The following GABPB1 variants were observed in gnomAD, a reference collection of about 807,000 sequenced individuals.
GABPB1 encodes GA binding protein transcription factor subunit beta 1.
A neutral mutation model predicts 45.9 loss-of-function variants in GABPB1; 15 were observed. That is an observed-to-expected ratio of 0.33 (90% confidence interval 0.22 to 0.50). The LOEUF (loss-of-function observed/expected upper bound fraction) is 0.50, where lower values mean the gene tolerates loss of function less well. Ranked by LOEUF, GABPB1 falls within the 20% of genes least tolerant of loss-of-function variation. GABPB1 has a pLI of 0.98. For missense variants in GABPB1, 252 were observed against 457.5 expected (o/e 0.55, Z 4.10); for synonymous variants, 143 against 154.4 (o/e 0.93, Z 0.55).
intron 1 of GABPB1, among the ~76,000 whole-genome samples, chr15:50,345,806 G>A (rs2048552695): frequency 6.6e-6 from 1 of 151,896 alleles, no homozygotes; most frequent in Admixed American, 6.6e-5. Flanking sequence ...CCGCCTCCCG[G>A]GTACACGCCA....
intron 6 of GABPB1, among the ~76,000 whole-genome samples, chr15:50,295,186 T>C (rs1451826196): frequency 6.6e-6 from 1 of 152,228 alleles, no homozygotes; most frequent in Non-Finnish European, 1.5e-5. Flanking sequence ...CATGCTATCA[T>C]TATGATAACT....
At position 50,339,447 on chromosome 15, in the gene GABPB1, C is replaced by T. The variant is rs1472309677; in HGVS notation, c.-1+15538G>A. ...CTGGGAAGCAGAGGTTGCAGTGAGT[C>T]AAGACTGTGCCACTGCACTCCAGCC... is the stretch of plus-strand genomic sequence containing the variant. On this transcript the variant is annotated intron_variant, in intron 1 of 8. Transcript: ENST00000380877. Among the ~76,000 whole-genome samples, 5 of 149,698 alleles carry T rather than the reference C, an allele frequency of 3.3e-5. No individual in the cohort carries two copies. The South Asian group carries it at 1.1e-3, about 33-fold the overall frequency.
intron 2 of GABPB1, among the ~76,000 whole-genome samples, chr15:50,305,050 T>C (rs377005736): frequency 6.6e-5 from 10 of 152,120 alleles, no homozygotes; most frequent in African/African-American, 1.9e-4. Flanking sequence ...AGTCATTAAA[T>C]TGACATCCAC....
At chr15:50,348,437 G>C (rs1215971996) in intron 1 of GABPB1, among the ~76,000 whole-genome samples, 1 of 152,038 alleles carries the variant, frequency 6.6e-6, no homozygotes, top group African/African-American at 2.4e-5. Context: ...TTTTAGTAGG[G>C]ACGGCGTTTC....
At chr15:50,335,358 G>A (rs2048082969) in intron 1 of GABPB1, among the ~76,000 whole-genome samples, 1 of 152,132 alleles carries the variant, frequency 6.6e-6, no homozygotes, top group African/African-American at 2.4e-5. Context: ...CATGTTGGGT[G>A]GGCTCTGCAT....
chr15:50,281,384 TG>T (rs1265566122), intron 8 of GABPB1, among the ~76,000 whole-genome samples: 1 of 149,328 alleles, frequency 6.7e-6, no homozygotes, highest in Non-Finnish European at 1.5e-5. Context: ...GCTAATTTTT[TG>T]TATTTTTAGT....
chr15:50,339,514 AAC>A (rs1394732376), intron 1 of GABPB1, among the ~76,000 whole-genome samples: 1 of 151,438 alleles, frequency 6.6e-6, no homozygotes, highest in African/African-American at 2.4e-5. Flanking sequence ...AAAAAAAAAA[AAC>A]TTCTTGAAAC....
intron 1 of GABPB1, chr15:50,347,611 T>G (rs2048643262): frequency 6.6e-6 from 1 of 152,160 alleles, no homozygotes; most frequent in African/African-American, 2.4e-5. Flanking sequence ...CAGAAGGGGC[T>G]ATACATCCAA....
intron 1 of GABPB1, among the ~76,000 whole-genome samples, chr15:50,341,486 T>C (rs1447512876): frequency 6.6e-6 from 1 of 151,642 alleles, no homozygotes; most frequent in Non-Finnish European, 1.5e-5. Flanking sequence ...TGAGCCGAGA[T>C]CGCGCCATTG....
At chr15:50,332,916 CTTTAA>C (rs1455105442) in intron 1 of GABPB1, among the ~76,000 whole-genome samples, 2 of 151,946 alleles carry the variant, frequency 1.3e-5, no homozygotes, top group Admixed American at 6.6e-5. Context: ...TTTTCTTTAC[CTTTAA>C]TTTACTCTTC....
At chr15:50,308,734 T>C (rs2047028649) in intron 2 of GABPB1, among the ~76,000 whole-genome samples, 1 of 152,218 alleles carries the variant, frequency 6.6e-6, no homozygotes, top group South Asian at 2.1e-4. Context: ...AGGTTGATAA[T>C]CTCTTTCTTT....
At chr15:50,298,954 A>T (rs1027281445) in intron 6 of GABPB1, among the ~76,000 whole-genome samples, 7 of 150,476 alleles carry the variant, frequency 4.7e-5, no homozygotes, top group Non-Finnish European at 1.0e-4. Context: ...TCCATGTCAA[A>T]AAAAAAAAAA....
chr15:50,285,757 CT>C (rs771256080), intron 8 of GABPB1: 1 of 1,076,884 alleles, frequency 9.3e-7, no homozygotes, highest in Non-Finnish European at 1.1e-6. Context: ...TGGTATTTTC[CT>C]TTAGTGACGT....
intron 8 of GABPB1, among the ~76,000 whole-genome samples, chr15:50,285,479 G>A (rs942256913): frequency 2.0e-5 from 3 of 151,930 alleles, no homozygotes; most frequent in Non-Finnish European, 4.4e-5. Flanking sequence ...AGTCAGTCAA[G>A]AAAAAAACCT....
intron 1 of GABPB1, chr15:50,327,395 T>A (rs975636792): frequency 6.6e-6 from 1 of 152,264 alleles, no homozygotes; most frequent in Admixed American, 6.5e-5. Context: ...GTCTCTCAGC[T>A]GATTTAACTC....
chr15:50,287,842 T>G (rs919955313), intron 7 of GABPB1, among the ~76,000 whole-genome samples: 1 of 152,164 alleles, frequency 6.6e-6, no homozygotes, highest in Non-Finnish European at 1.5e-5. Context: ...TTCAGCAGAG[T>G]GGGACAGAAT....
chr15:50,300,926 T>C, intron 5 of GABPB1, 24 bp from the exon 6 acceptor site: 1 of 1,386,676 alleles, frequency 7.2e-7, no homozygotes, highest in Non-Finnish European at 1.0e-6. Flanking sequence ...GAAAATAGAT[T>C]TGAATTTCTA....
At chr15:50,335,619 C>CTTTA (rs1219079876) in intron 1 of GABPB1, among the ~76,000 whole-genome samples, 2 of 152,126 alleles carry the variant, frequency 1.3e-5, no homozygotes, top group East Asian at 3.9e-4. Flanking sequence ...GACTGGTCGG[C>CTTTA]CGGGTGCAGT....
rs527490220 is a variant in GABPB1 at position 50,278,513 on chromosome 15, T to G, written c.*119A>C. 1.5e-6 allele frequency: 1 copy of G among 658,640 alleles called. No homozygotes were observed. The highest frequency in any genetic ancestry group is 2.9e-5 in the East Asian group (1 of 33,976). 40.8% of individuals were successfully genotyped at this position (658,640 alleles called of 1,614,324 possible). Reference sequence around the variant, plus strand: ...TCAGAGCTCATGGCTTAAGTCCAATTATCCATCTGTAGTCTCTTCTATCAT... The same window carrying G: ...TCAGAGCTCATGGCTTAAGTCCAATGATCCATCTGTAGTCTCTTCTATCAT... On this transcript the variant is annotated 3_prime_UTR_variant, in exon 9 of 9. Coordinates refer to ENST00000380877, the MANE Select transcript of GABPB1 (RefSeq NM_016654.5).
Sources: allele counts gnomAD v4.1 joint callset (sites outside exome capture counted in the v4.1 genomes callset), GRCh38; gene constraint gnomAD v4.1.1; transcripts MANE v1.5; gene names NCBI Gene and HGNC (gene_info 2026-07-23, HGNC 2026-07-21).